The following CUEDC1 variants were observed in gnomAD, a reference collection of about 807,000 sequenced individuals.
CUEDC1 encodes CUE domain-containing protein 1.
In CUEDC1, 30 loss-of-function variants were observed where a neutral mutation model predicts 43.7. That is an observed-to-expected ratio of 0.69 (90% confidence interval 0.51 to 0.93). CUEDC1 has a LOEUF of 0.93. Ranked by LOEUF, CUEDC1 falls within the 40% of genes least tolerant of loss-of-function variation. The pLI is 0.00. For missense variants in CUEDC1, 486 were observed against 549.0 expected (o/e 0.89, Z 1.15); for synonymous variants, 223 against 223.6 (o/e 1.00, Z 0.02).
intron 3 of CUEDC1, among the ~76,000 whole-genome samples, chr17:57,876,093 TC>T (rs1403562086): frequency 1.3e-5 from 2 of 151,898 alleles, no homozygotes; most frequent in Non-Finnish European, 2.9e-5. Flanking sequence ...GCCAGGCCAT[TC>T]CCCCACTCAA....
chr17:57,950,577 A>G (rs2143249196), intron 1 of CUEDC1, among the ~76,000 whole-genome samples: 1 of 150,832 alleles, frequency 6.6e-6, no homozygotes, highest in South Asian at 2.1e-4. Flanking sequence ...GGTTCAAGCT[A>G]TTCTCCTGCC....
At chr17:57,896,063 G>T (rs140588269) in intron 1 of CUEDC1, among the ~76,000 whole-genome samples, 61 of 152,290 alleles carry the variant, frequency 4.0e-4, no homozygotes, top group African/African-American at 1.4e-3. Flanking sequence ...GGTAATCCGG[G>T]TCAAGGAACC....
At chr17:57,865,531 G>A (rs2073944234) in intron 10 of CUEDC1, among the ~76,000 whole-genome samples, 1 of 152,256 alleles carries the variant, frequency 6.6e-6, no homozygotes, top group Admixed American at 6.5e-5. Context: ...AGTGGCTGGG[G>A]AAGGCCGGGC....
chr17:57,950,342 G>A (rs1271812615), intron 1 of CUEDC1, among the ~76,000 whole-genome samples: 2 of 152,024 alleles, frequency 1.3e-5, no homozygotes, highest in African/African-American at 4.8e-5. Context: ...AGTAGAGACG[G>A]GGGTTTCACC....
intron 1 of CUEDC1, among the ~76,000 whole-genome samples, chr17:57,895,997 G>A (rs2074404076): frequency 6.6e-6 from 1 of 152,198 alleles, no homozygotes; most frequent in Non-Finnish European, 1.5e-5. Context: ...AGACACCTCT[G>A]GGTCCCCGGA....
intron 1 of CUEDC1, among the ~76,000 whole-genome samples, chr17:57,893,053 C>T (rs1157422538): frequency 6.6e-6 from 1 of 152,238 alleles, no homozygotes; most frequent in Non-Finnish European, 1.5e-5. Flanking sequence ...TGAGGACACG[C>T]AGGCCAGGCT....
chr17:57,931,008 G>C (rs932938024), intron 1 of CUEDC1, among the ~76,000 whole-genome samples: 4 of 152,160 alleles, frequency 2.6e-5, no homozygotes, highest in African/African-American at 4.8e-5. Context: ...AAAGGAGCTG[G>C]CCGGGTGTGG....
chr17:57,872,629 C>T, intron 5 of CUEDC1, 34 bp downstream of exon 5: 1 of 1,610,046 alleles, frequency 6.2e-7, no homozygotes, highest in Non-Finnish European at 8.5e-7. Context: ...CTCCCTTCTT[C>T]AGCCAGGGAG....
chr17:57,925,221 G>A (rs2074735426), intron 1 of CUEDC1, among the ~76,000 whole-genome samples: 1 of 152,044 alleles, frequency 6.6e-6, no homozygotes, highest in Admixed American at 6.6e-5. Context: ...ACATTTTCCA[G>A]TTTTTCTTTA....
intron 1 of CUEDC1, among the ~76,000 whole-genome samples, chr17:57,896,041 C>T (rs1276837914): frequency 6.6e-6 from 1 of 152,156 alleles, no homozygotes; most frequent in East Asian, 1.9e-4. Context: ...ATTTAGCATC[C>T]GAACATGCCC....
chr17:57,881,202 A>T (rs1206525563), intron 2 of CUEDC1, among the ~76,000 whole-genome samples: 1 of 152,234 alleles, frequency 6.6e-6, no homozygotes, highest in Non-Finnish European at 1.5e-5. Flanking sequence ...ACATGCACAC[A>T]CATGCACACG....
chr17:57,873,852 A>C, intron 3 of CUEDC1, 135 bp from the exon 4 acceptor site: 1 of 873,710 alleles, frequency 1.1e-6, no homozygotes, highest in Non-Finnish European at 1.6e-6. Context: ...CTCCAGAACA[A>C]AGGCCCGTCA....
At position 57,899,112 on chromosome 17, in the gene CUEDC1, A is replaced by G. The variant is rs2144999891; in HGVS notation, c.-315-13233T>C. Among the ~76,000 whole-genome samples, 2 of 152,304 alleles carry G rather than the reference A, an allele frequency of 1.3e-5. 1 individual carries two copies. The highest frequency in any genetic ancestry group is 4.1e-4 in the South Asian group (2 of 4,828). The stretch of plus-strand genomic sequence containing the variant: ...GGTGGCTGGCCCAGGGCTGAGCTTC[A>G]AAAGAGCAGGCAGCAGCTGCGGCTG... On this transcript the variant is annotated intron_variant, in intron 1 of 10. Transcript: ENST00000577830.
At chr17:57,876,129 G>C (rs947717601) in intron 3 of CUEDC1, among the ~76,000 whole-genome samples, 1 of 152,176 alleles carries the variant, frequency 6.6e-6, no homozygotes, top group Non-Finnish European at 1.5e-5. Flanking sequence ...AGCAGCCAAA[G>C]GAAGATTCCT....
intron 1 of CUEDC1, among the ~76,000 whole-genome samples, chr17:57,902,349 A>G (rs1234671410): frequency 1.3e-5 from 2 of 152,220 alleles, no homozygotes; most frequent in Non-Finnish European, 2.9e-5. Flanking sequence ...ACGATGATAC[A>G]TTCAGGTAGT....
At chr17:57,868,663 C>T (rs1200238000) in intron 7 of CUEDC1, among the ~76,000 whole-genome samples, 1 of 152,184 alleles carries the variant, frequency 6.6e-6, no homozygotes, top group African/African-American at 2.4e-5. Context: ...GAAATGGAGC[C>T]TGAAAGGATC....
Position 57,878,906 on chromosome 17 carries a change from A to G in CUEDC1, c.464+705T>C, listed in dbSNP as rs560835621. On this transcript the variant is annotated intron_variant, in intron 3 of 10. Coordinates refer to ENST00000577830, the MANE Select transcript of CUEDC1 (RefSeq NM_001271875.2). ...GGTCTTGAACTACTGACCTCAAGTG[A>G]TCCACCCACCTTGGCCTCCCAAAGT... 2.4e-4 allele frequency among the ~76,000 whole-genome samples: 37 copies of G among 152,276 alleles called. 1 individual carries two copies. In the East Asian group the frequency reaches 7.1e-3, roughly 29 times the overall value.
chr17:57,894,208 A>T (rs1179078646), intron 1 of CUEDC1, among the ~76,000 whole-genome samples: 3 of 152,192 alleles, frequency 2.0e-5, no homozygotes, highest in African/African-American at 7.2e-5. Context: ...CCATGCCCAC[A>T]CAGCAGAGCT....
intron 1 of CUEDC1, among the ~76,000 whole-genome samples, chr17:57,937,404 G>A (rs950478860): frequency 6.6e-6 from 1 of 151,658 alleles, no homozygotes; most frequent in South Asian, 2.1e-4. Flanking sequence ...TGAGCCCAGG[G>A]GTTCAAGACC....
Sources: allele counts gnomAD v4.1 joint callset (sites outside exome capture counted in the v4.1 genomes callset), GRCh38; gene constraint gnomAD v4.1.1; transcripts MANE v1.5; gene names NCBI Gene and HGNC (gene_info 2026-07-23, HGNC 2026-07-21).